FMO2: variants seen among roughly 807,000 people sequenced by gnomAD.
FMO2 encodes flavin-containing monooxygenase 2.
Under a neutral mutation model 41.6 loss-of-function variants are expected in FMO2, and 33 were observed. The ratio of observed to expected loss-of-function variants is 0.79; its 90% CI spans 0.60 to 1.06. The LOEUF (loss-of-function observed/expected upper bound fraction) is 1.06. Ranked by LOEUF, FMO2 falls within the 50% of genes least tolerant of loss-of-function variation. The pLI is 0.00. For missense variants in FMO2, 619 were observed against 632.9 expected, an observed-to-expected ratio of 0.98 and a Z score of 0.23; for synonymous variants, 214 against 219.6, an observed-to-expected ratio of 0.97 and a Z score of 0.23.
At chr1:171,202,031 A>G (rs28369887) in intron 5 of FMO2, among the ~76,000 whole-genome samples, 2,504 of 152,286 alleles carry the variant, frequency 0.016, 37 homozygotes, top group Middle Eastern at 0.044. Flanking sequence ...ACTTCTGACC[A>G]AAAACCAAAT....
chr1:171,192,543 C>T (rs1032002534), intron 2 of FMO2, among the ~76,000 whole-genome samples: 7 of 152,030 alleles, frequency 4.6e-5, no homozygotes, highest in African/African-American at 1.2e-4. Flanking sequence ...GGGTGGATCA[C>T]GAGGTCAGGA....
chr1:171,187,572 G>A (rs1005247545), intron 2 of FMO2, among the ~76,000 whole-genome samples: 43 of 140,052 alleles, frequency 3.1e-4, no homozygotes, highest in African/African-American at 1.0e-3. Context: ...AGGCTACCAT[G>A]CCCAGCCATG....
intron 2 of FMO2, among the ~76,000 whole-genome samples, chr1:171,192,629 G>A (rs1257266684): frequency 1.3e-5 from 2 of 151,904 alleles, no homozygotes; most frequent in Non-Finnish European, 2.9e-5. Context: ...AGCCGGGCGT[G>A]GTGGCAGGCA....
At position 171,209,106 on chromosome 1, in the gene FMO2, T is replaced by C; in HGVS notation, c.1569T>C (p.Ala523=). 1.2e-6 allele frequency: 1 copy of C among 816,948 alleles called. No homozygotes were observed. The highest frequency in any genetic ancestry group is 2.6e-5 in the East Asian group (1 of 38,274). 50.6% of individuals were successfully genotyped at this position (816,948 alleles called of 1,614,324 possible). A position where few individuals can be genotyped will look rare whatever the true frequency, so the allele number is the denominator to read the frequency against. Residue 523 remains alanine (A), a synonymous_variant, in exon 9 of 9, where the codon GCT becomes GCC. Transcript: ENST00000209929. ...TGTTGAAAATCCTGGGCCTTCTTGC[T>C]GTTGTTGTGGCCTTTTTTTGCCAAC... ...SFLLKILGLL[A]VVVAFFCQLQ... is the part of the protein sequence containing the mutation.
At chr1:171,191,335 A>G (rs1005600110) in intron 2 of FMO2, among the ~76,000 whole-genome samples, 1 of 152,130 alleles carries the variant, frequency 6.6e-6, no homozygotes, top group African/African-American at 2.4e-5. Context: ...CCTGATAGAG[A>G]AGCCAACCAC....
intron 5 of FMO2, among the ~76,000 whole-genome samples, chr1:171,200,668 C>A (rs552890531): frequency 6.6e-6 from 1 of 152,106 alleles, no homozygotes; most frequent in Non-Finnish European, 1.5e-5. Context: ...AGTGCCAGCC[C>A]GGGAACAGAG....
In FMO2 at chr1:171,211,170, A is replaced by G. The variant is rs1479911250; in HGVS notation, c.*2025A>G. On this transcript the variant is annotated 3_prime_UTR_variant, in exon 9 of 9. Transcript: ENST00000209929. ...TTATAGCAAGGGTCAGTGAATTACC[A>G]CTGCCTGTGGGCCAAATCTAGCTCA... 1.3e-5 allele frequency: 2 copies of G among 152,216 alleles called. No homozygotes were observed. The highest frequency in any genetic ancestry group is 4.8e-5 in the African/African-American group (2 of 41,462). 9.4% of individuals were successfully genotyped at this position (152,216 alleles called of 1,614,324 possible).
Position 171,187,402 on chromosome 1 carries a change from G to C in FMO2, c.132+1557G>C, listed in dbSNP as rs28369806. On this transcript the variant is annotated intron_variant, in intron 2 of 8. Coordinates refer to ENST00000209929, the MANE Select transcript of FMO2 (RefSeq NM_001460.5). ...GATGGCAAGGTGATCCAGGACCTGCGCATGCTTTGTCAGTTCAAATTGAAT... is the reference window on the plus strand; with the variant it reads ...GATGGCAAGGTGATCCAGGACCTGCCCATGCTTTGTCAGTTCAAATTGAAT... Among the ~76,000 whole-genome samples the C allele has an allele frequency of 2.3e-3, 345 of 152,210 alleles. 2 individuals carry two copies. The highest frequency in any genetic ancestry group is 7.7e-3 in the African/African-American group (321 of 41,528).
rs1292658787 is a variant in FMO2, at chr1:171,204,026, G to A, written c.789G>A (p.Trp263Ter). ...KWMIEQQMNR[W>*]FNHENYGLEP... ...TGATAGAACAACAGATGAATCGGTGGTTCAACCATGAAAATTATGGCCTTG... is the reference window on the plus strand; with the variant it reads ...TGATAGAACAACAGATGAATCGGTGATTCAACCATGAAAATTATGGCCTTG... Residue 263 changes from tryptophan to a stop codon, truncating the protein, a stop_gained, in exon 6 of 9, where the codon TGG (tryptophan) becomes TGA (stop). Coordinates refer to ENST00000209929, the MANE Select transcript of FMO2 (RefSeq NM_001460.5). LOFTEE classifies it high-confidence loss of function. 26 of 1,613,526 alleles carry A rather than the reference G, an allele frequency of 1.6e-5. No homozygotes were observed. The highest frequency in any genetic ancestry group is 1.6e-5 in the Non-Finnish European group (19 of 1,179,726).
Position 171,185,895 on chromosome 1 carries a change from G to A in FMO2, c.132+50G>A, listed in dbSNP as rs182282972. On this transcript the variant is annotated intron_variant, in intron 2 of 8. Coordinates refer to ENST00000209929, the MANE Select transcript of FMO2 (RefSeq NM_001460.5). ...GAACAGGTTGTGTTGTTATTTCAGG[G>A]TGAATCACAGTTACTGATGGGTCAT... 6.4e-6 allele frequency: 10 copies of A among 1,572,812 alleles called. No individual in the cohort carries two copies. In the East Asian group the frequency reaches 2.0e-4, roughly 32 times the overall value.
chr1:171,205,626 T>G lies in FMO2; in HGVS notation c.1175T>G (p.Val392Gly), dbSNP rs771341144. The G allele has an allele frequency of 1.6e-5, 25 of 1,603,194 alleles. No individual in the cohort carries two copies. Among genetic ancestry groups the G allele is most frequent in the Middle Eastern group, 1.7e-4 (1 of 5,976 alleles). ...AELQARWVTR[V>G]FKGLCSLPSE... ...CTTCAAGCTCGTTGGGTGACAAGAG[T>G]TTTCAAAGGTAAGTGTGTAGGCAGG... Residue 392 changes from valine to glycine, a missense_variant, in exon 7 of 9, where the codon GTT becomes GGT. Coordinates refer to ENST00000209929, the MANE Select transcript of FMO2 (RefSeq NM_001460.5).
intron 6 of FMO2, 50 bp downstream of exon 6, chr1:171,204,114 G>A (rs370839148): frequency 2.6e-5 from 34 of 1,300,984 alleles, no homozygotes; most frequent in Non-Finnish European, 3.5e-5. Context: ...GAGCAAAGTT[G>A]TCTGAAGGTG....
intron 2 of FMO2, among the ~76,000 whole-genome samples, chr1:171,186,659 CAT>C (rs1484294816): frequency 3.9e-5 from 6 of 152,206 alleles, no homozygotes; most frequent in African/African-American, 1.4e-4. Context: ...CTTCCCAAGA[CAT>C]GTGGGGATTG....
intron 4 of FMO2, among the ~76,000 whole-genome samples, chr1:171,197,393 A>G (rs10912537): frequency 0.4 from 60,453 of 151,996 alleles, 12,819 homozygotes; most frequent in East Asian, 0.55. Context: ...GATGGCCTGG[A>G]GACCTACCCC....
At chr1:171,207,853 C>A in intron 8 of FMO2, 63 bp downstream of exon 8, 2 of 1,064,388 alleles carry the variant, frequency 1.9e-6, no homozygotes, top group Non-Finnish European at 2.9e-6. Context: ...GATCTAACTA[C>A]TTACAAGAAC....
Position 171,205,379 on chromosome 1 carries a change from T to G in FMO2, c.928T>G (p.Ser310Ala), listed in dbSNP as rs745881059. Residue 310 changes from serine (S) to alanine (A), a missense_variant, in exon 7 of 9, where the codon TCT (serine) becomes GCT (alanine). Coordinates refer to ENST00000209929, the MANE Select transcript of FMO2 (RefSeq NM_001460.5). ...KSTVKELTET[S>A]AIFEDGTVEE... ...TACAGTGAAAGAGCTCACAGAAACT[T>G]CTGCCATCTTTGAGGATGGAACAGT... The G allele has an allele frequency of 3.7e-6, 6 of 1,613,862 alleles. No individual in the cohort carries two copies. The highest frequency in any genetic ancestry group is 5.1e-6 in the Non-Finnish European group (6 of 1,179,832).
chr1:171,207,877 G>A, intron 8 of FMO2, 87 bp downstream of exon 8: 1 of 854,674 alleles, frequency 1.2e-6, no homozygotes, highest in Non-Finnish European at 1.9e-6. Flanking sequence ...CTAGCTGCCT[G>A]ATAAAATGCA....
At chr1:171,192,765 C>CAAAAAAAAAAAAA (rs71561558) in intron 2 of FMO2, among the ~76,000 whole-genome samples, 1 of 111,554 alleles carries the variant, frequency 9.0e-6, no homozygotes. Flanking sequence ...GACTCTGTCT[C>CAAAAAAAAAAAAA]AAAAAAAAAA....
chr1:171,205,432 T>C lies in FMO2; in HGVS notation c.981T>C (p.Phe327=), dbSNP rs1162571430. 6.2e-7 allele frequency: 1 copy of C among 1,613,972 alleles called. No homozygotes were observed. Among genetic ancestry groups the C allele is most frequent in the East Asian group, 2.2e-5 (1 of 44,870 alleles). ...TVEENIDVII[F]ATGYSFSFPF... ...AGGAGAACATTGATGTCATCATTTT[T>C]GCAACAGGATATAGTTTCTCTTTTC... The change falls in exon 7 of 9, where the codon TTT becomes TTC. Residue 327 remains phenylalanine (F), a synonymous_variant. Coordinates refer to ENST00000209929, the MANE Select transcript of FMO2 (RefSeq NM_001460.5).
Sources: gnomAD v4.1 joint callset for allele counts (sites outside exome capture counted in the v4.1 genomes callset) on GRCh38, gnomAD v4.1.1 for gene constraint, MANE v1.5 for transcripts, NCBI Gene and HGNC (gene_info 2026-07-23, HGNC 2026-07-21) for gene names.